SMYD3: variants seen among roughly 807,000 people sequenced by gnomAD.
SMYD3 encodes SET and MYND domain containing 3, also known as histone-lysine N-methyltransferase SMYD3.
In SMYD3, 36 loss-of-function variants were observed where a neutral mutation model predicts 57.7. The observed-to-expected ratio is 0.62, with a 90% CI of 0.48 to 0.82. SMYD3 has a LOEUF of 0.82. SMYD3 is among the 40% of genes least tolerant of loss of function. SMYD3 has a pLI of 0.00. For missense variants in SMYD3, 515 were observed against 538.8 expected (o/e 0.96, Z 0.44); for synonymous variants, 211 against 195.0 (o/e 1.08, Z -0.68).
intron 10 of SMYD3, among the ~76,000 whole-genome samples, chr1:245,775,047 G>C (rs3000195): frequency 0.42 from 63,717 of 151,392 alleles, 17,595 homozygotes; most frequent in East Asian, 0.88. Context: ...GATCTCGGCT[G>C]GCTACAACCT....
intron 5 of SMYD3, among the ~76,000 whole-genome samples, chr1:246,239,601 T>C (rs1408370663): frequency 6.6e-6 from 1 of 152,230 alleles, no homozygotes; most frequent in Non-Finnish European, 1.5e-5. Context: ...TTTGGGTATA[T>C]ACCCAGTAAT....
intron 10 of SMYD3, among the ~76,000 whole-genome samples, chr1:245,839,585 G>A (rs1159363795): frequency 2.6e-5 from 4 of 152,112 alleles, no homozygotes; most frequent in African/African-American, 7.2e-5. Flanking sequence ...GTTTTCTGGG[G>A]GAGGGTAATT....
intron 10 of SMYD3, among the ~76,000 whole-genome samples, chr1:245,846,329 C>T (rs2050663148): frequency 6.6e-6 from 1 of 152,142 alleles, no homozygotes; most frequent in Admixed American, 6.5e-5. Flanking sequence ...TTCTACTCTG[C>T]GTGAAGGTGC....
Position 245,915,552 on chromosome 1 carries a change from A to G in SMYD3, c.791T>C (p.Phe264Ser). The G allele has an allele frequency of 6.2e-7, 1 of 1,613,712 alleles. No homozygotes were observed. The highest frequency in any genetic ancestry group is 1.1e-5 in the South Asian group (1 of 91,006). The change falls in exon 8 of 12, where the codon TTC becomes TCC. Residue 264 changes from phenylalanine to serine, a missense_variant. By Grantham distance (155) the Phe-to-Ser change is radical. Transcript: ENST00000490107. ...RDQYCFECDCFRCQTQDKDAD... is the reference protein window; with the variant it reads ...RDQYCFECDCSRCQTQDKDAD... ...TACCTTGTCCTGGGTTTGGCAACGG[A>G]AACAGTCACATTCAAAGCAGTACTG...
At chr1:246,423,296 C>CA (rs11386183) in intron 1 of SMYD3, among the ~76,000 whole-genome samples, 57,340 of 119,898 alleles carry the variant, frequency 0.48, 12,920 homozygotes, top group Admixed American at 0.58. Context: ...GACTCCAACT[C>CA]AAAAAAAAAA....
At chr1:246,107,849 A>G (rs572333003) in intron 5 of SMYD3, among the ~76,000 whole-genome samples, 20 of 152,364 alleles carry the variant, frequency 1.3e-4, no homozygotes, top group Admixed American at 7.2e-4. Context: ...CTTCCAAATA[A>G]ATAAATCTGG....
chr1:245,750,284 G>C (rs1202316868), intron 11 of SMYD3, among the ~76,000 whole-genome samples: 1 of 152,112 alleles, frequency 6.6e-6, no homozygotes, highest in African/African-American at 2.4e-5. Context: ...AGGTCAAAAA[G>C]GCCTCTGTGT....
In SMYD3 at chr1:246,429,805, C is replaced by T. The variant is rs574495998; in HGVS notation, c.165-74711G>A. Among the ~76,000 whole-genome samples, 31 of 149,562 alleles carry T rather than the reference C, an allele frequency of 2.1e-4. No homozygotes were observed. In the South Asian group the frequency reaches 3.5e-3, roughly 17 times the overall value. On this transcript the variant is annotated intron_variant, in intron 1 of 11. Coordinates refer to ENST00000490107, the MANE Select transcript of SMYD3 (RefSeq NM_001167740.2). The stretch of plus-strand genomic sequence containing the variant: ...GACTGGCAAGTACTAAATAATCATA[C>T]GAGAAACGGTAACTCCTGCCTCAAG...
At chr1:246,103,324 C>T (rs566195453) in intron 5 of SMYD3, among the ~76,000 whole-genome samples, 1 of 152,020 alleles carries the variant, frequency 6.6e-6, no homozygotes, top group Admixed American at 6.6e-5. Flanking sequence ...ATTTTGAGAA[C>T]AGAATATTAA....
chr1:246,412,306 G>T (rs1040540620), intron 1 of SMYD3, among the ~76,000 whole-genome samples: 1 of 152,160 alleles, frequency 6.6e-6, no homozygotes, highest in Admixed American at 6.5e-5. Context: ...CTCTGAACTA[G>T]CTGGCATATC....
chr1:246,482,824 C>T (rs948915739), intron 1 of SMYD3, among the ~76,000 whole-genome samples: 2 of 152,162 alleles, frequency 1.3e-5, no homozygotes, highest in Admixed American at 1.3e-4. Flanking sequence ...GTAGGGGAAA[C>T]GTCCAACAAG....
intron 1 of SMYD3, among the ~76,000 whole-genome samples, chr1:246,409,464 T>C (rs2066925143): frequency 6.6e-6 from 1 of 152,214 alleles, no homozygotes; most frequent in Non-Finnish European, 1.5e-5. Flanking sequence ...TTTGTGAGGT[T>C]TGTCAAAGAT....
chr1:246,331,503 T>G (rs745997385), intron 3 of SMYD3, among the ~76,000 whole-genome samples: 3 of 152,236 alleles, frequency 2.0e-5, no homozygotes, highest in Non-Finnish European at 4.4e-5. Flanking sequence ...CACAAGAAGA[T>G]AGCAGGGCCT....
intron 1 of SMYD3, among the ~76,000 whole-genome samples, chr1:246,476,779 C>T (rs191526197): frequency 6.6e-6 from 1 of 152,340 alleles, no homozygotes; most frequent in African/African-American, 2.4e-5. Context: ...CCCATACAAA[C>T]ACAGAGAAGA....
chr1:246,046,184 A>C (rs564597198), intron 5 of SMYD3, among the ~76,000 whole-genome samples: 1 of 152,324 alleles, frequency 6.6e-6, no homozygotes, highest in African/African-American at 2.4e-5. Flanking sequence ...ACGTATGTTT[A>C]TTGCGGCACT....
intron 8 of SMYD3, among the ~76,000 whole-genome samples, chr1:245,898,220 A>G (rs1378334837): frequency 2.0e-5 from 3 of 152,240 alleles, no homozygotes; most frequent in Admixed American, 6.5e-5. Flanking sequence ...TCTGCATACT[A>G]AACTACTTTC....
rs528171994 is a variant in SMYD3, at chr1:245,939,006, C to T, written c.532-9069G>A. On this transcript the variant is annotated intron_variant, in intron 5 of 11. Transcript: ENST00000490107. Reference sequence around the variant, plus strand: ...ACTAAAAATACAAAAATTAGCCGGGCGTGGTGGCCTGAGGCTATATTCCCA... The same window carrying T: ...ACTAAAAATACAAAAATTAGCCGGGTGTGGTGGCCTGAGGCTATATTCCCA... Among the ~76,000 whole-genome samples the T allele has an allele frequency of 1.8e-4, 27 of 151,940 alleles. 1 individual carries two copies. In the South Asian group the frequency reaches 5.2e-3, roughly 29 times the overall value.
At chr1:245,807,602 G>A (rs1027110296) in intron 10 of SMYD3, among the ~76,000 whole-genome samples, 2 of 152,040 alleles carry the variant, frequency 1.3e-5, no homozygotes, top group Non-Finnish European at 2.9e-5. Flanking sequence ...ACTCGAAAAC[G>A]GCCTTGCATT....
chr1:246,017,828 A>G (rs1466670071), intron 5 of SMYD3, among the ~76,000 whole-genome samples: 1 of 152,132 alleles, frequency 6.6e-6, no homozygotes, highest in Non-Finnish European at 1.5e-5. Context: ...TTCCTATTTT[A>G]TTCAGTGAGT....
Sources: allele counts gnomAD v4.1 joint callset (sites outside exome capture counted in the v4.1 genomes callset), GRCh38; gene constraint gnomAD v4.1.1; transcripts MANE v1.5; gene names NCBI Gene and HGNC (gene_info 2026-07-23, HGNC 2026-07-21).